NKAIN2: variants seen among roughly 807,000 people sequenced by gnomAD.
NKAIN2 encodes sodium/potassium transporting ATPase interacting 2.
NKAIN2 carries 14 observed loss-of-function variants against 32.6 expected under a neutral mutation model. The observed-to-expected ratio is 0.43, with a 90% CI of 0.28 to 0.67. The LOEUF (loss-of-function observed/expected upper bound fraction) is 0.67. NKAIN2 is among the 30% of genes least tolerant of loss of function. The probability of loss-of-function intolerance (pLI) is 0.17; values close to 1 mark genes in which losing one functional copy is unlikely to be tolerated. For missense variants in NKAIN2, 198 were observed against 258.3 expected (o/e 0.77, Z 1.60); for synonymous variants, 80 against 87.2 (o/e 0.92, Z 0.46).
At chr6:124,802,834 G>C (rs1056106766) in intron 5 of NKAIN2, among the ~76,000 whole-genome samples, 2 of 152,154 alleles carry the variant, frequency 1.3e-5, no homozygotes, top group Non-Finnish European at 2.9e-5. Flanking sequence ...CTGAACCTAT[G>C]TTTTTCTCAT....
intron 1 of NKAIN2, among the ~76,000 whole-genome samples, chr6:124,245,123 G>A (rs1012658638): frequency 2.6e-5 from 4 of 151,962 alleles, no homozygotes; most frequent in African/African-American, 4.8e-5. Flanking sequence ...AGGTGTTTGC[G>A]CTTGGCCAAC....
At chr6:124,766,409 C>G (rs914649005) in intron 4 of NKAIN2, among the ~76,000 whole-genome samples, 4 of 152,162 alleles carry the variant, frequency 2.6e-5, no homozygotes, top group African/African-American at 4.8e-5. Flanking sequence ...CACAGACATA[C>G]CAACTTCCTC....
chr6:124,661,061 T>C (rs937296089), intron 4 of NKAIN2, among the ~76,000 whole-genome samples: 1 of 152,210 alleles, frequency 6.6e-6, no homozygotes, highest in Non-Finnish European at 1.5e-5. Context: ...GCTTGTCTCC[T>C]TCTGGCATCT....
intron 1 of NKAIN2, among the ~76,000 whole-genome samples, chr6:123,957,579 A>G (rs1777653832): frequency 6.6e-6 from 1 of 152,188 alleles, no homozygotes; most frequent in Non-Finnish European, 1.5e-5. Flanking sequence ...ATATCTAATT[A>G]TTTTCAAGGT....
intron 1 of NKAIN2, among the ~76,000 whole-genome samples, chr6:124,140,801 A>G (rs1235540783): frequency 6.6e-6 from 1 of 152,188 alleles, no homozygotes; most frequent in Non-Finnish European, 1.5e-5. Flanking sequence ...AGAGCAGAGG[A>G]TCTTTTGTTT....
chr6:123,856,497 C>A (rs1775559684), intron 1 of NKAIN2, among the ~76,000 whole-genome samples: 1 of 152,096 alleles, frequency 6.6e-6, no homozygotes, highest in Admixed American at 6.6e-5. Flanking sequence ...GTTTCTCTTT[C>A]TTTGGATTTA....
intron 4 of NKAIN2, among the ~76,000 whole-genome samples, chr6:124,781,563 C>T (rs913634098): frequency 6.6e-6 from 1 of 152,106 alleles, no homozygotes; most frequent in Non-Finnish European, 1.5e-5. Context: ...TACAATTGCA[C>T]TTTTTCCTAG....
At chr6:124,027,617 TATC>T (rs1185151104) in intron 1 of NKAIN2, among the ~76,000 whole-genome samples, 4 of 152,202 alleles carry the variant, frequency 2.6e-5, no homozygotes, top group African/African-American at 4.8e-5. Context: ...CCTACAGTGA[TATC>T]ATCGTCAGCC....
chr6:124,252,753 G>T (rs112639436), intron 1 of NKAIN2, among the ~76,000 whole-genome samples: 117 of 152,092 alleles, frequency 7.7e-4, no homozygotes, highest in African/African-American at 2.6e-3. Context: ...TTACAGTTTC[G>T]GGGTTCAGTC....
rs540048884 is a variant in NKAIN2, at chr6:124,065,343, G to A, written c.55-217662G>A. 4.6e-5 allele frequency among the ~76,000 whole-genome samples: 7 copies of A among 152,024 alleles called. No homozygotes were observed. The South Asian group carries it at 1.2e-3, about 27-fold the overall frequency. On this transcript the variant is annotated intron_variant, in intron 1 of 6. Transcript: ENST00000368417. Reference sequence around the variant, plus strand: ...GTGACATGCACGCACTGCAGTTCCCGCTTACCCAGGCCTATGAAATGCTAA... The same window carrying A: ...GTGACATGCACGCACTGCAGTTCCCACTTACCCAGGCCTATGAAATGCTAA...
chr6:124,687,514 T>G (rs1274571223), intron 4 of NKAIN2, among the ~76,000 whole-genome samples: 33 of 6,890 alleles, frequency 4.8e-3, no homozygotes, highest in East Asian at 0.03. Context: ...ATGGTATATA[T>G]TCCATACATA....
At chr6:124,114,797 C>A (rs571737500) in intron 1 of NKAIN2, among the ~76,000 whole-genome samples, 1 of 152,114 alleles carries the variant, frequency 6.6e-6, no homozygotes, top group African/African-American at 2.4e-5. Flanking sequence ...GAGGATTCTG[C>A]TACATTCTTA....
chr6:124,779,223 G>A (rs1453804563), intron 4 of NKAIN2, among the ~76,000 whole-genome samples: 6 of 143,754 alleles, frequency 4.2e-5, no homozygotes, highest in African/African-American at 7.7e-5. Context: ...CAGCCTGGGC[G>A]ACAGAGCCAG....
intron 5 of NKAIN2, among the ~76,000 whole-genome samples, chr6:124,805,586 TCTC>T (rs1262277006): frequency 2.4e-4 from 36 of 152,106 alleles, no homozygotes; most frequent in Non-Finnish European, 4.1e-4. Context: ...GCAGAGCATC[TCTC>T]CTCCTCCAAA....
chr6:123,959,297 T>C (rs1777735653), intron 1 of NKAIN2, among the ~76,000 whole-genome samples: 1 of 152,164 alleles, frequency 6.6e-6, no homozygotes, highest in Non-Finnish European at 1.5e-5. Flanking sequence ...TGGAGCCATG[T>C]GGAGCTCTTT....
intron 4 of NKAIN2, among the ~76,000 whole-genome samples, chr6:124,677,000 G>A (rs952735207): frequency 2.0e-5 from 3 of 151,924 alleles, no homozygotes; most frequent in Non-Finnish European, 2.9e-5. Flanking sequence ...ACAGTGTCTC[G>A]CTCTGTCGCC....
At chr6:124,623,224 A>T (rs1450248386) in intron 3 of NKAIN2, among the ~76,000 whole-genome samples, 5 of 152,124 alleles carry the variant, frequency 3.3e-5, no homozygotes, top group African/African-American at 9.7e-5. Context: ...GTTTCTGACC[A>T]TTTTATCTTA....
At chr6:124,734,053 G>A (rs1433170737) in intron 4 of NKAIN2, among the ~76,000 whole-genome samples, 2 of 89,070 alleles carry the variant, frequency 2.2e-5, no homozygotes, top group African/African-American at 8.6e-5. Context: ...ACCAGAAAAT[G>A]AGGAAATGCA....
intron 1 of NKAIN2, among the ~76,000 whole-genome samples, chr6:123,886,949 G>A (rs1773745427): frequency 6.6e-6 from 1 of 152,118 alleles, no homozygotes; most frequent in African/African-American, 2.4e-5. Flanking sequence ...TTGAGGCAAT[G>A]TATTGGAATG....
Sources: gnomAD v4.1 joint callset for allele counts (sites outside exome capture counted in the v4.1 genomes callset) on GRCh38, gnomAD v4.1.1 for gene constraint, MANE v1.5 for transcripts, NCBI Gene and HGNC (gene_info 2026-07-23, HGNC 2026-07-21) for gene names.